Variants in ADGRL2 observed in about 807,000 individuals in gnomAD.
ADGRL2 encodes the protein calcium-independent alpha-latrotoxin receptor 2.
In ADGRL2, 44 loss-of-function variants were observed where a neutral mutation model predicts 157.4. The observed-to-expected ratio is 0.28, with a 90% CI of 0.22 to 0.36. ADGRL2 has a LOEUF of 0.36. Ranked by LOEUF, ADGRL2 falls within the 10% of genes least tolerant of loss-of-function variation. The pLI is 1.00. For missense variants in ADGRL2, 1,510 were observed against 1,768.9 expected (o/e 0.85, Z 2.63); for synonymous variants, 585 against 624.7 (o/e 0.94, Z 0.95).
intron 3 of ADGRL2, among the ~76,000 whole-genome samples, chr1:81,659,467 A>C (rs897822769): frequency 1.3e-5 from 2 of 152,196 alleles, no homozygotes; most frequent in Non-Finnish European, 2.9e-5. Context: ...ACCACTCTGC[A>C]AGAAAGTTTA....
chr1:81,868,657 C>CA (rs2093614078), intron 2 of ADGRL2, among the ~76,000 whole-genome samples: 1 of 152,098 alleles, frequency 6.6e-6, no homozygotes, highest in Non-Finnish European at 1.5e-5. Flanking sequence ...TTTCCTATCT[C>CA]AGAGAAGCTA....
chr1:81,882,198 G>GT lies in ADGRL2; in HGVS notation c.74-24811dup, dbSNP rs1295621346. 1.1e-4 allele frequency among the ~76,000 whole-genome samples: 16 copies of GT among 151,832 alleles called. No homozygotes were observed. In the East Asian group the frequency reaches 1.2e-3, roughly 11 times the overall value. Reference sequence around the variant, plus strand: ...AAAATCAGCTTGGTGTTACAGATGTGTTTTTTTTCCCTTTCTTAATTGTTT... The same window carrying GT: ...AAAATCAGCTTGGTGTTACAGATGTGTTTTTTTTTCCCTTTCTTAATTGTTT... On this transcript the variant is annotated intron_variant, in intron 2 of 23. Coordinates refer to ENST00000686636, the MANE Select transcript of ADGRL2 (RefSeq NM_001366006.2).
intron 2 of ADGRL2, among the ~76,000 whole-genome samples, chr1:81,790,502 A>C (rs1382573690): frequency 6.6e-6 from 1 of 152,202 alleles, no homozygotes; most frequent in East Asian, 1.9e-4. Context: ...AAACAAATTT[A>C]TTGTTATGTA....
Position 81,490,025 on chromosome 1 carries a change from C to T in ADGRL2, c.-248+44936C>T, listed in dbSNP as rs569003326. On this transcript the variant is annotated intron_variant, in intron 2 of 24. Coordinates refer to the ADGRL2 transcript ENST00000370721. ...CTGAAAGCCATATGAAGAAATATCT[C>T]AATAAAGGTAAATATGTGGTCAATT... Among the ~76,000 whole-genome samples, 172 of 138,010 alleles carry T rather than the reference C, an allele frequency of 1.2e-3. 1 individual carries two copies. The highest frequency in any genetic ancestry group is 4.0e-3 in the Middle Eastern group (1 of 252). The allele number at this position is 138,010 out of a possible 152,430, so 90.5% of individuals were successfully genotyped here.
intron 3 of ADGRL2, among the ~76,000 whole-genome samples, chr1:81,921,517 G>A (rs1341830272): frequency 1.3e-5 from 2 of 152,178 alleles, no homozygotes; most frequent in Non-Finnish European, 2.9e-5. Context: ...GCATAAGAGT[G>A]CACGTTAGCT....
intron 1 of ADGRL2, among the ~76,000 whole-genome samples, chr1:81,744,180 G>A (rs2085167634): frequency 6.6e-6 from 1 of 152,204 alleles, no homozygotes; most frequent in Non-Finnish European, 1.5e-5. Context: ...AAACACTTGT[G>A]TTTCTAAATC....
intron 1 of ADGRL2, among the ~76,000 whole-genome samples, chr1:81,819,930 T>C (rs2149825602): frequency 6.6e-6 from 1 of 152,300 alleles, no homozygotes; most frequent in Non-Finnish European, 1.5e-5. Context: ...GCAATTTATC[T>C]TCACTGCAGC....
intron 2 of ADGRL2, among the ~76,000 whole-genome samples, chr1:81,580,012 C>T (rs546026726): frequency 3.5e-4 from 53 of 152,062 alleles, no homozygotes; most frequent in African/African-American, 1.2e-3. Context: ...ATTTTGTAAC[C>T]ATAAATTATT....
At chr1:81,542,755 G>C (rs929438834) in intron 2 of ADGRL2, among the ~76,000 whole-genome samples, 7 of 152,084 alleles carry the variant, frequency 4.6e-5, no homozygotes, top group African/African-American at 1.7e-4. Flanking sequence ...AACCAGATAA[G>C]AGTACTTCAG....
intron 2 of ADGRL2, among the ~76,000 whole-genome samples, chr1:81,577,379 G>A (rs1385411895): frequency 1.3e-5 from 2 of 152,038 alleles, no homozygotes; most frequent in Non-Finnish European, 2.9e-5. Flanking sequence ...TATGTTTCAC[G>A]TGGTTTTCCC....
intron 1 of ADGRL2, among the ~76,000 whole-genome samples, chr1:81,832,662 A>G (rs1436475747): frequency 6.6e-6 from 1 of 152,258 alleles, no homozygotes. Flanking sequence ...AAATGAAGAA[A>G]GAGGGTGGTG....
At chr1:81,866,899 G>T (rs947251462) in intron 2 of ADGRL2, among the ~76,000 whole-genome samples, 1 of 152,048 alleles carries the variant, frequency 6.6e-6, no homozygotes, top group Non-Finnish European at 1.5e-5. Flanking sequence ...GATACTCTCT[G>T]GATCTTGTCC....
chr1:81,392,234 A>AC (rs2076573122), intron 1 of ADGRL2, among the ~76,000 whole-genome samples: 1 of 151,662 alleles, frequency 6.6e-6, no homozygotes, highest in African/African-American at 2.4e-5. Context: ...CCACAAAAAA[A>AC]AAAACAAAGA....
Position 81,969,314 on chromosome 1 carries a change from A to G in ADGRL2, c.2660A>G (p.His887Arg). Residue 887 changes from histidine (H) to arginine (R), a missense_variant, in exon 15 of 24, where the codon CAC becomes CGC. Transcript: ENST00000686636. Reference sequence around the variant, plus strand: ...CTACAGAGTGACCGAAATACTATTCACAAGAACCTTTGTATCAACCTTTTC... The same window carrying G: ...CTACAGAGTGACCGAAATACTATTCGCAAGAACCTTTGTATCAACCTTTTC... ...RGLQSDRNTI[H>R]KNLCINLFIA... 6.2e-7 allele frequency: 1 copy of G among 1,614,018 alleles called. No homozygotes were observed. The highest frequency in any genetic ancestry group is 1.1e-5 in the South Asian group (1 of 91,082).
chr1:81,543,481 A>G (rs1001759445), intron 2 of ADGRL2, among the ~76,000 whole-genome samples: 7 of 152,250 alleles, frequency 4.6e-5, no homozygotes, highest in Admixed American at 3.3e-4. Flanking sequence ...ACCCATTTAC[A>G]GTATGTTGTT....
intron 6 of ADGRL2, among the ~76,000 whole-genome samples, chr1:81,944,121 C>T (rs1399713827): frequency 1.3e-5 from 2 of 151,844 alleles, no homozygotes; most frequent in East Asian, 3.9e-4. Context: ...AACTTCTTGG[C>T]GCCAGTGGTT....
chr1:81,951,566 A>G (rs933927938), intron 8 of ADGRL2, among the ~76,000 whole-genome samples: 1 of 152,092 alleles, frequency 6.6e-6, no homozygotes, highest in Non-Finnish European at 1.5e-5. Flanking sequence ...TCCTTCATCT[A>G]CCTTTATGAC....
At chr1:81,814,659 C>A (rs867141483) in intron 1 of ADGRL2, among the ~76,000 whole-genome samples, 15 of 151,326 alleles carry the variant, frequency 9.9e-5, no homozygotes, top group Non-Finnish European at 2.1e-4. Context: ...CAAAAATAAA[C>A]AATATTAGTG....
intron 1 of ADGRL2, among the ~76,000 whole-genome samples, chr1:81,707,909 T>C (rs2083792221): frequency 6.6e-6 from 1 of 152,150 alleles, no homozygotes; most frequent in Non-Finnish European, 1.5e-5. Context: ...AATCTCTGTG[T>C]TATCCAAGAG....
Sources: gnomAD v4.1 joint callset for allele counts (sites outside exome capture counted in the v4.1 genomes callset) on GRCh38, gnomAD v4.1.1 for gene constraint, MANE v1.5 for transcripts, NCBI Gene and HGNC (gene_info 2026-07-23, HGNC 2026-07-21) for gene names.